The following GGA2 variants were observed in gnomAD, a reference collection of about 807,000 sequenced individuals.
GGA2 encodes golgi associated, gamma adaptin ear containing, ARF binding protein 2.
In GGA2, 48 loss-of-function variants were observed where a neutral mutation model predicts 79.5. That is an observed-to-expected ratio of 0.60 (90% CI 0.48 to 0.77). The LOEUF is 0.77. Among genes scored for constraint, GGA2 ranks in the 30% least tolerant of loss-of-function variants. The probability of loss-of-function intolerance (pLI) is 0.00; values close to 1 mark genes in which losing one functional copy is unlikely to be tolerated. For missense variants in GGA2, 770 were observed against 774.0 expected (o/e 0.99, Z 0.06); for synonymous variants, 317 against 302.0 (o/e 1.05, Z -0.51).
intron 1 of GGA2, among the ~76,000 whole-genome samples, chr16:23,509,488 C>T (rs960211855): frequency 6.6e-6 from 1 of 152,142 alleles, no homozygotes; most frequent in African/African-American, 2.4e-5. Context: ...CTTGTACCCA[C>T]TAAAAAATGT....
intron 8 of GGA2, among the ~76,000 whole-genome samples, chr16:23,485,562 G>A (rs558672710): frequency 7.2e-5 from 11 of 152,000 alleles, no homozygotes; most frequent in Admixed American, 2.6e-4. Flanking sequence ...ACAAAATCCC[G>A]TACAAAATTG....
intron 1 of GGA2, chr16:23,501,044 C>A: frequency 2.8e-6 from 1 of 354,324 alleles, no homozygotes. Context: ...CAATATATTA[C>A]AACATAAAGC....
chr16:23,470,275 A>G, intron 14 of GGA2, 110 bp from the exon 15 acceptor site: 3 of 768,170 alleles, frequency 3.9e-6, no homozygotes, highest in South Asian at 4.2e-5. Context: ...TTCTCCATGC[A>G]GAACATGTCC....
rs1377760867 is a variant in GGA2 at position 23,478,924 on chromosome 16, A to G, written c.1130-13T>C. 1 of 1,588,174 alleles carries G rather than the reference A, an allele frequency of 6.3e-7. No individual in the cohort carries two copies. Among genetic ancestry groups the G allele is most frequent in the East Asian group, 2.2e-5 (1 of 44,770 alleles). ...GCATCACTGATTCCTGTAAGAAAGGAGTAGAGTGAGATGCCTAACAGTAAC... is the reference window on the plus strand; with the variant it reads ...GCATCACTGATTCCTGTAAGAAAGGGGTAGAGTGAGATGCCTAACAGTAAC... On this transcript the variant is annotated splice_polypyrimidine_tract_variant and intron_variant, in intron 11 of 16. Transcript: ENST00000309859.
chr16:23,485,945 C>T, intron 8 of GGA2, 70 bp downstream of exon 8: 3 of 1,419,132 alleles, frequency 2.1e-6, no homozygotes, highest in Non-Finnish European at 2.9e-6. Flanking sequence ...TTCATGGGTG[C>T]AAACAGGTGA....
At chr16:23,506,118 C>A (rs1252387463) in intron 1 of GGA2, among the ~76,000 whole-genome samples, 1 of 152,138 alleles carries the variant, frequency 6.6e-6, no homozygotes. Flanking sequence ...TTATTACTCT[C>A]TTCCCATCTT....
At chr16:23,484,011 A>G (rs897516615) in intron 8 of GGA2, among the ~76,000 whole-genome samples, 1 of 147,136 alleles carries the variant, frequency 6.8e-6, no homozygotes, top group Non-Finnish European at 1.5e-5. Flanking sequence ...AAAAAAGGCC[A>G]GGCATGGTGG....
intron 9 of GGA2, among the ~76,000 whole-genome samples, chr16:23,482,706 T>C (rs920878827): frequency 2.6e-5 from 4 of 152,190 alleles, no homozygotes; most frequent in Admixed American, 1.3e-4. Flanking sequence ...CAATTTCCAC[T>C]TCTTTTCAGG....
At chr16:23,506,333 T>A (rs890983132) in intron 1 of GGA2, among the ~76,000 whole-genome samples, 2 of 152,072 alleles carry the variant, frequency 1.3e-5, no homozygotes, top group Non-Finnish European at 2.9e-5. Context: ...ACTTAACCCA[T>A]CGTTCACTTC....
intron 14 of GGA2, among the ~76,000 whole-genome samples, chr16:23,473,914 T>A (rs928345499): frequency 1.3e-5 from 2 of 152,234 alleles, no homozygotes; most frequent in Non-Finnish European, 2.9e-5. Flanking sequence ...TGTTTATTTA[T>A]AAATTTGTCT....
chr16:23,493,581 G>A (rs1193819646), intron 3 of GGA2, 123 bp from the exon 4 acceptor site: 1 of 673,564 alleles, frequency 1.5e-6, no homozygotes, highest in East Asian at 2.7e-5. Flanking sequence ...TCAAGCCTAT[G>A]AGGACACTGA....
At chr16:23,494,527 G>A (rs1039556270) in intron 2 of GGA2, 149 bp from the exon 3 acceptor site, 14 of 653,280 alleles carry the variant, frequency 2.1e-5, no homozygotes, top group Admixed American at 2.5e-5. Context: ...CCACGCGGGG[G>A]CCCTGGAGAG....
intron 1 of GGA2, chr16:23,501,160 G>A (rs1964917615): frequency 4.6e-6 from 2 of 439,228 alleles, no homozygotes; most frequent in Admixed American, 5.1e-5. Flanking sequence ...AAACACAACT[G>A]TACTTTCAGA....
intron 12 of GGA2, 147 bp downstream of exon 12, chr16:23,478,736 G>T: frequency 1.3e-6 from 1 of 750,832 alleles, no homozygotes; most frequent in Non-Finnish European, 2.4e-6. Flanking sequence ...GACAGTATGG[G>T]TGAGGAAGAG....
chr16:23,472,069 T>C (rs574521462), intron 14 of GGA2, among the ~76,000 whole-genome samples: 1 of 152,106 alleles, frequency 6.6e-6, no homozygotes, highest in Non-Finnish European at 1.5e-5. Flanking sequence ...TTTAAATGTC[T>C]ACATGTGGCA....
rs1965028916 is a variant in GGA2 at position 23,510,454 on chromosome 16, T to C, written c.-43A>G. 9 of 775,766 alleles carry C rather than the reference T, an allele frequency of 1.2e-5. No homozygotes were observed. The highest frequency in any genetic ancestry group is 1.6e-5 in the Non-Finnish European group (9 of 555,742). The allele number at this position is 775,766 out of a possible 1,614,324, so 48.1% of individuals were successfully genotyped here. ...TGCGGCCGCGGGCGCCACTGCCTCT[T>C]CAGCCGCTGTAGCGTCCTGGCGCTC... On this transcript the variant is annotated 5_prime_UTR_variant, in exon 1 of 17. Transcript: ENST00000309859.
intron 14 of GGA2, among the ~76,000 whole-genome samples, chr16:23,472,570 T>C (rs182452826): frequency 1.3e-5 from 2 of 151,346 alleles, no homozygotes; most frequent in East Asian, 2.0e-4. Context: ...AAGCTGGACA[T>C]AGTGGCGCAT....
At chr16:23,500,522 C>A (rs140250128) in intron 1 of GGA2, among the ~76,000 whole-genome samples, 320 of 152,306 alleles carry the variant, frequency 2.1e-3, no homozygotes, top group Admixed American at 6.0e-3. Flanking sequence ...CAGCCCCAAG[C>A]GGGGCAGTGT....
intron 14 of GGA2, among the ~76,000 whole-genome samples, chr16:23,473,598 G>A (rs942434710): frequency 6.6e-6 from 1 of 151,890 alleles, no homozygotes; most frequent in Admixed American, 6.6e-5. Context: ...AAAGTGCTGG[G>A]ATTACAGGCA....
Sources: allele counts gnomAD v4.1 joint callset (sites outside exome capture counted in the v4.1 genomes callset), GRCh38; gene constraint gnomAD v4.1.1; transcripts MANE v1.5; gene names NCBI Gene and HGNC (gene_info 2026-07-23, HGNC 2026-07-21).